The following ZNF621 variants were observed in gnomAD, a reference collection of about 807,000 sequenced individuals.
ZNF621 encodes zinc finger protein 621.
ZNF621 carries 6 observed loss-of-function variants against 12.7 expected under a neutral mutation model. That is an observed-to-expected ratio of 0.47 (90% CI 0.26 to 0.93). The LOEUF is 0.93. ZNF621 is among the 40% of genes least tolerant of loss of function. The pLI, the probability that ZNF621 is intolerant of heterozygous loss-of-function variation, is 0.15. For missense variants in ZNF621, 474 were observed against 524.0 expected (o/e 0.90, Z 0.93); for synonymous variants, 156 against 190.3 (o/e 0.82, Z 1.48).
At chr3:40,528,302 TC>T (rs1381730414) in intron 2 of ZNF621, among the ~76,000 whole-genome samples, 5 of 152,232 alleles carry the variant, frequency 3.3e-5, no homozygotes, top group Admixed American at 6.5e-5. Context: ...TTTCGTTTCC[TC>T]TGTGTCTTTT....
At chr3:40,525,895 T>G in intron 2 of ZNF621, 31 bp downstream of exon 2, 3 of 1,610,644 alleles carry the variant, frequency 1.9e-6, no homozygotes, top group Non-Finnish European at 2.5e-6. Context: ...TTTTTTTGTT[T>G]GTTTGTTTAT....
Position 40,530,262 on chromosome 3 carries a change from G to A in ZNF621, c.205G>A (p.Ala69Thr), listed in dbSNP as rs750014697. ...GATCTCCCACCTGGAGAGAGGGGAA[G>A]CACCATGGGGCCCAGATCCCTGGGA... is the stretch of plus-strand genomic sequence containing the variant. ...ALISHLERGEAPWGPDPWDTE... is the reference protein window; with the variant it reads ...ALISHLERGETPWGPDPWDTE... Residue 69 changes from alanine to threonine, a missense_variant, in exon 4 of 5, where the codon GCA becomes ACA. Transcript: ENST00000339296. The A allele has an allele frequency of 8.1e-6, 13 of 1,613,820 alleles. No individual in the cohort carries two copies. The highest frequency in any genetic ancestry group is 1.1e-5 in the South Asian group (1 of 91,044).
Position 40,531,572 on chromosome 3 carries a change from T to C in ZNF621, c.260-458T>C, listed in dbSNP as rs149715722. 1.1e-4 allele frequency among the ~76,000 whole-genome samples: 16 copies of C among 152,306 alleles called. No homozygotes were observed. The East Asian group carries it at 3.1e-3, about 29-fold the overall frequency. On this transcript the variant is annotated intron_variant, in intron 4 of 4. Transcript: ENST00000339296. Reference sequence around the variant, plus strand: ...CTCCAATTCTATGTCATTATTTTTCTATTTTTTTAAGACAGGGTCTAGCTC... The same window carrying C: ...CTCCAATTCTATGTCATTATTTTTCCATTTTTTTAAGACAGGGTCTAGCTC...
rs1235104068 is a variant in ZNF621 at position 40,532,988 on chromosome 3, A to G, written c.1218A>G (p.Gly406=). ...TTTTCATGCTGCTGCCTACATCTGGAATACCTTCTTCATCTGCCCAAATAG... is the reference window on the plus strand; with the variant it reads ...TTTTCATGCTGCTGCCTACATCTGGGATACCTTCTTCATCTGCCCAAATAG... The part of the protein sequence containing the change: ...GNFFMLLPTS[G]IPSSSAQIVR... Residue 406 remains glycine (G), a synonymous_variant, in exon 5 of 5, where the codon GGA becomes GGG. Transcript: ENST00000339296. 1 of 1,551,738 alleles carries G rather than the reference A, an allele frequency of 6.4e-7. No homozygotes were observed.
intron 1 of ZNF621, 60 bp downstream of exon 1, chr3:40,525,334 G>A (rs936033775): frequency 3.5e-5 from 6 of 172,694 alleles, no homozygotes; most frequent in Non-Finnish European, 7.4e-5. Context: ...TTAAGATCAC[G>A]GTTGGGTGGG....
rs1387193544 is a variant in ZNF621, at chr3:40,525,273, C to CG, written c.-63+1dup. ...ACTTGCCCTGACAGCCTCTGGCTCC[C>CG]GGTACTGACGTTTCTGATGTTTGGG... On this transcript the variant is annotated splice_region_variant and 5_prime_UTR_variant, in exon 1 of 5. It removes the in-frame stop codon of an upstream open reading frame in the 5' UTR. Coordinates refer to ENST00000339296, the MANE Select transcript of ZNF621 (RefSeq NM_198484.5). 1 of 155,760 alleles carries CG rather than the reference C, an allele frequency of 6.4e-6. No homozygotes were observed. The highest frequency in any genetic ancestry group is 1.4e-5 in the Non-Finnish European group (1 of 70,372). 9.6% of individuals were successfully genotyped at this position (155,760 alleles called of 1,614,324 possible).
chr3:40,532,628 TG>T lies in ZNF621; in HGVS notation c.862del (p.Glu288ArgfsTer17), dbSNP rs1189963720. 2.5e-6 allele frequency: 4 copies of T among 1,614,044 alleles called. No individual in the cohort carries two copies. The highest frequency in any genetic ancestry group is 3.4e-6 in the Non-Finnish European group (4 of 1,180,034). On this transcript the variant is annotated frameshift_variant, in exon 5 of 5. Coordinates refer to ENST00000339296, the MANE Select transcript of ZNF621 (RefSeq NM_198484.5). LOFTEE classifies it low-confidence loss of function (END_TRUNC). The stretch of plus-strand genomic sequence containing the variant: ...TTATTGTCCATCAGAGAATTCATAC[TG>T]GGGAGAAACCTTATCAATGTAAGGA... ...LFIVHQRIHT[G>X]EKPYQCKECG...
rs2125677836 is a variant in ZNF621 at position 40,533,018 on chromosome 3, T to C, written c.1248T>C (p.Arg416=). 1.9e-6 allele frequency: 3 copies of C among 1,551,754 alleles called. No homozygotes were observed. In the East Asian group the frequency reaches 7.3e-5, roughly 38 times the overall value. The change falls in exon 5 of 5, where the codon CGT becomes CGC. Residue 416 remains arginine (R), a synonymous_variant. Transcript: ENST00000339296. ...GIPSSSAQIV[R]VFQGLTPTVK... The stretch of plus-strand genomic sequence containing the variant: ...CTTCTTCATCTGCCCAAATAGTGCG[T>C]GTCTTCCAGGGTCTTACTCCCACTG...
rs771624786 is a variant in ZNF621 at position 40,532,343 on chromosome 3, C to G, written c.573C>G (p.Ser191Arg). 1 of 1,611,146 alleles carries G rather than the reference C, an allele frequency of 6.2e-7. No individual in the cohort carries two copies. The highest frequency in any genetic ancestry group is 2.2e-5 in the East Asian group (1 of 44,724). ...CKECGKAFKSSYDCIVHEKNH... is the reference protein window; with the variant it reads ...CKECGKAFKSRYDCIVHEKNH... Reference sequence around the variant, plus strand: ...AGTGTGGCAAAGCTTTCAAGTCCAGCTATGATTGTATTGTACATGAGAAAA... The same window carrying G: ...AGTGTGGCAAAGCTTTCAAGTCCAGGTATGATTGTATTGTACATGAGAAAA... The change falls in exon 5 of 5, where the codon AGC becomes AGG. Residue 191 changes from serine (S) to arginine (R), a missense_variant. Ser to Arg is a moderately radical substitution (Grantham distance 110). Transcript: ENST00000339296.
upstream of ZNF621, among the ~76,000 whole-genome samples, chr3:40,523,799 A>AC (rs773760907): frequency 1.3e-4 from 16 of 126,604 alleles, no homozygotes; most frequent in East Asian, 1.4e-3. Context: ...AAGCAAAAAA[A>AC]AAAAAAACAA....
In ZNF621 at chr3:40,533,426, C is replaced by A. The variant is rs1008217272; in HGVS notation, c.*336C>A. 3 of 260,466 alleles carry A rather than the reference C, an allele frequency of 1.2e-5. No individual in the cohort carries two copies. The highest frequency in any genetic ancestry group is 2.2e-5 in the Non-Finnish European group (3 of 135,658). The allele number at this position is 260,466 out of a possible 1,614,324, so 16.1% of individuals were successfully genotyped here. On this transcript the variant is annotated 3_prime_UTR_variant, in exon 5 of 5. Coordinates refer to ENST00000339296, the MANE Select transcript of ZNF621 (RefSeq NM_198484.5). Reference sequence around the variant, plus strand: ...AAAGTGCTGGGATTACAGGAGTGAGCCACTGTGCCCAGCCTCCAACCTAAT... The same window carrying A: ...AAAGTGCTGGGATTACAGGAGTGAGACACTGTGCCCAGCCTCCAACCTAAT...
Position 40,532,850 on chromosome 3 carries a change from CTCCTCTCCAGCCATACCTCCTGTTCT to C in ZNF621, c.1083_1108del (p.Ser362ProfsTer167). The C allele has an allele frequency of 6.2e-7, 1 of 1,613,296 alleles. No individual in the cohort carries two copies. Among genetic ancestry groups the C allele is most frequent in the Non-Finnish European group, 8.5e-7 (1 of 1,179,692 alleles). Reference sequence around the variant, plus strand: ...GGCCATCCCTGGTCAGTCCCCAGTGCTCCTCTCCAGCCATACCTCCTGTTCTTCTCCAGGGATCCTGTTCTGCTTCA... The same window carrying C: ...GGCCATCCCTGGTCAGTCCCCAGTGCTCTCCAGGGATCCTGTTCTGCTTCA... On this transcript the variant is annotated frameshift_variant, in exon 5 of 5. Transcript: ENST00000339296. LOFTEE classifies it low-confidence loss of function (END_TRUNC).
rs1358621414 is a variant in ZNF621 at position 40,529,332 on chromosome 3, T to C, written c.38T>C (p.Phe13Ser). ...QTTWPQESVT[F>S]EDVAVYFTQN... is the part of the protein sequence containing the mutation. ...CTGTTGTTTCAGGAGTCAGTGACCT[T>C]TGAGGATGTGGCTGTTTACTTCACC... Residue 13 changes from phenylalanine to serine, a missense_variant, in exon 3 of 5, where the codon TTT (phenylalanine) becomes TCT (serine). By Grantham distance (155) the Phe-to-Ser change is radical. Coordinates refer to ENST00000339296, the MANE Select transcript of ZNF621 (RefSeq NM_198484.5). The C allele has an allele frequency of 5.0e-6, 8 of 1,613,434 alleles. No individual in the cohort carries two copies. The highest frequency in any genetic ancestry group is 6.8e-6 in the Non-Finnish European group (8 of 1,179,542).
rs1048918190 is a variant in ZNF621 at position 40,539,703 on chromosome 3, A to T, written c.*6613A>T. 2 of 152,242 alleles carry T rather than the reference A, an allele frequency of 1.3e-5. No homozygotes were observed. The highest frequency in any genetic ancestry group is 2.4e-5 in the African/African-American group (1 of 41,470). The allele number at this position is 152,242 out of a possible 1,614,324, so 9.4% of individuals were successfully genotyped here. A position where few individuals can be genotyped will look rare whatever the true frequency, so the allele number is the denominator to read the frequency against. On this transcript the variant is annotated 3_prime_UTR_variant, in exon 5 of 5. Coordinates refer to ENST00000339296, the MANE Select transcript of ZNF621 (RefSeq NM_198484.5). The stretch of plus-strand genomic sequence containing the variant: ...TATTTCATGGTTGTCCAGAAGTTAC[A>T]TAACTTGTCTTAATCTAAAAATCAT...
In ZNF621 at chr3:40,532,457, C is replaced by T. The variant is rs1698752246; in HGVS notation, c.687C>T (p.His229=). 1.2e-6 allele frequency: 2 copies of T among 1,614,120 alleles called. No homozygotes were observed. Among genetic ancestry groups the T allele is most frequent in the Non-Finnish European group, 1.7e-6 (2 of 1,180,036 alleles). The change falls in exon 5 of 5, where the codon CAC becomes CAT. Residue 229 remains histidine (H), a synonymous_variant. Coordinates refer to ENST00000339296, the MANE Select transcript of ZNF621 (RefSeq NM_198484.5). ...CCTTGACTCAACATCAGAGGATCCA[C>T]ACTGGAGAGAAACCCTATGAATGTA... ...NTALTQHQRI[H]TGEKPYECKE...
chr3:40,523,709 T>C (rs1026594306), upstream of ZNF621, among the ~76,000 whole-genome samples: 1 of 150,814 alleles, frequency 6.6e-6, no homozygotes, highest in Admixed American at 6.7e-5. Context: ...GAGCTTGCAG[T>C]GAGCCGAGAT....
intron 3 of ZNF621, 148 bp downstream of exon 3, chr3:40,529,593 T>A: frequency 1.9e-6 from 3 of 1,546,858 alleles, no homozygotes; most frequent in Non-Finnish European, 2.6e-6. Context: ...AATCCTTGGT[T>A]CTCTTTGTTT....
upstream of ZNF621, among the ~76,000 whole-genome samples, chr3:40,523,666 T>A (rs963413954): frequency 3.3e-5 from 5 of 151,806 alleles, no homozygotes; most frequent in Non-Finnish European, 4.4e-5. Context: ...CTCGGGAGGC[T>A]GAGGAAGGAG....
rs140445368 is a variant in ZNF621 at position 40,532,703 on chromosome 3, A to G, written c.933A>G (p.Arg311=). The change falls in exon 5 of 5, where the codon AGA becomes AGG. Residue 311 remains arginine (R), a synonymous_variant. Coordinates refer to ENST00000339296, the MANE Select transcript of ZNF621 (RefSeq NM_198484.5). ...AAATAGCCTCCATTCAGCATCAGAG[A>G]GTTCACACTGGGGAGAAGCCTTATG... ...TQKIASIQHQ[R]VHTGEKPYEC... is the part of the protein sequence containing the mutation. The G allele has an allele frequency of 1.2e-3, 1,952 of 1,614,210 alleles. 1 individual carries two copies. The highest frequency in any genetic ancestry group is 1.6e-3 in the Non-Finnish European group (1,839 of 1,180,040).
Sources: allele counts gnomAD v4.1 joint callset (sites outside exome capture counted in the v4.1 genomes callset), GRCh38; gene constraint gnomAD v4.1.1; transcripts MANE v1.5; gene names NCBI Gene and HGNC (gene_info 2026-07-23, HGNC 2026-07-21).